NUP153: variants seen among roughly 807,000 people sequenced by gnomAD.
NUP153 encodes the protein nucleoporin 153, also known as nuclear pore complex protein Nup153.
Under a neutral mutation model 134.6 loss-of-function variants are expected in NUP153, and 27 were observed. That is an observed-to-expected ratio of 0.20 (90% CI 0.15 to 0.28). The LOEUF is 0.28. NUP153 is among the 10% of genes least tolerant of loss of function. NUP153 has a pLI of 1.00. For synonymous variants in NUP153, 640 were observed against 623.5 expected, an observed-to-expected ratio of 1.03 and a Z score of -0.40; for missense variants, 1,821 against 1,731.3, an observed-to-expected ratio of 1.05 and a Z score of -0.92.
chr6:17,659,442 ACAC>A (rs1767042282), intron 11 of NUP153, among the ~76,000 whole-genome samples: 5 of 152,178 alleles, frequency 3.3e-5, no homozygotes, highest in African/African-American at 1.2e-4. Context: ...TTCCTTATTT[ACAC>A]AAGGTAAGAC....
At chr6:17,676,071 A>G (rs1216252210) in intron 2 of NUP153, among the ~76,000 whole-genome samples, 1 of 152,150 alleles carries the variant, frequency 6.6e-6, no homozygotes, top group African/African-American at 2.4e-5. Context: ...TTGATGGTGT[A>G]TTTTGTAATA....
chr6:17,663,344 C>A (rs929688098), intron 9 of NUP153, among the ~76,000 whole-genome samples: 1 of 151,852 alleles, frequency 6.6e-6, no homozygotes, highest in African/African-American at 2.4e-5. Context: ...TCACTTTAGC[C>A]TCGAACTCCT....
rs1770519747 is a variant in NUP153 at position 17,706,614 on chromosome 6, A to C, written c.-227T>G. The C allele has an allele frequency of 1.8e-6, 1 of 571,196 alleles. No individual in the cohort carries two copies. Among genetic ancestry groups the C allele is most frequent in the Non-Finnish European group, 3.1e-6 (1 of 324,114 alleles). 35.4% of individuals were successfully genotyped at this position (571,196 alleles called of 1,614,324 possible). Reference sequence around the variant, plus strand: ...GGGGTGGCGGCCGCAGAGGCCGAGGAGGCTCCGGTCCGGCCGCCTCTGCGG... The same window carrying C: ...GGGGTGGCGGCCGCAGAGGCCGAGGCGGCTCCGGTCCGGCCGCCTCTGCGG... On this transcript the variant is annotated 5_prime_UTR_variant, in exon 1 of 22. Transcript: ENST00000262077. This position sits in a 1 kb window ranked among gnomAD's most constrained non-coding sequence, Gnocchi z 5.9.
chr6:17,675,230 G>A lies in NUP153; in HGVS notation c.722C>T (p.Pro241Leu). 1.2e-6 allele frequency: 2 copies of A among 1,614,026 alleles called. No individual in the cohort carries two copies. Among genetic ancestry groups the A allele is most frequent in the Non-Finnish European group, 1.7e-6 (2 of 1,179,988 alleles). ...AAATCCAACCCAGTTAGTACTCACA[G>A]GGGAAAGTGTTCCAAAGGCAGACAA... ...FNLSAFGTLS[P>L]SLGNSSILKT... Residue 241 changes from proline to leucine, a missense_variant and splice_region_variant, in exon 4 of 22, where the codon CCT becomes CTT. By Grantham distance (98) the Pro-to-Leu change is moderately conservative. Coordinates refer to ENST00000262077, the MANE Select transcript of NUP153 (RefSeq NM_005124.4). The surrounding 1 kb of genome is among the most constrained non-coding windows in gnomAD (Gnocchi z 4.4).
chr6:17,623,755 C>G (rs184170799), intron 20 of NUP153, among the ~76,000 whole-genome samples: 1 of 152,210 alleles, frequency 6.6e-6, no homozygotes, highest in East Asian at 1.9e-4. Context: ...AAAACAATCA[C>G]AAATCAAAAG....
rs531684754 is a variant in NUP153, at chr6:17,638,034, T to C, written c.1847-264A>G. 2.0e-5 allele frequency among the ~76,000 whole-genome samples: 3 copies of C among 152,340 alleles called. No homozygotes were observed. In the South Asian group the frequency reaches 6.2e-4, roughly 32 times the overall value. On this transcript the variant is annotated intron_variant, in intron 15 of 21. Coordinates refer to ENST00000262077, the MANE Select transcript of NUP153 (RefSeq NM_005124.4). This position sits in a 1 kb window ranked among gnomAD's most constrained non-coding sequence, Gnocchi z 4.0. The stretch of plus-strand genomic sequence containing the variant: ...TTCAAGGAATTTCTAGTTTGATGCT[T>C]TCAATGGTACTAATTTACTGATATG...
intron 9 of NUP153, among the ~76,000 whole-genome samples, chr6:17,663,151 G>C (rs774906309): frequency 6.6e-6 from 1 of 151,694 alleles, no homozygotes. Context: ...AAAAGATAGA[G>C]CAAATGTAGT....
chr6:17,625,960 T>G lies in NUP153; in HGVS notation c.3749A>C (p.Gln1250Pro). 6.2e-7 allele frequency: 1 copy of G among 1,614,172 alleles called. No individual in the cohort carries two copies. Among genetic ancestry groups the G allele is most frequent in the South Asian group, 1.1e-5 (1 of 91,080 alleles). Residue 1250 changes from glutamine (Q) to proline (P), a missense_variant, in exon 19 of 22, where the codon CAG becomes CCG. Gln to Pro is a moderately conservative substitution (Grantham distance 76). Transcript: ENST00000262077. This position sits in a 1 kb window ranked among gnomAD's most constrained non-coding sequence, Gnocchi z 4.7. Reference sequence around the variant, plus strand: ...GCTATCTTGAGAAAATAGCAAAGACTGAGAGGTGCTGGATTCAGCAGTGTT... The same window carrying G: ...GCTATCTTGAGAAAATAGCAAAGACGGAGAGGTGCTGGATTCAGCAGTGTT... ...FGNTAESSTS[Q>P]SLLFSQDSKL...
chr6:17,705,499 T>G (rs545810812), intron 1 of NUP153, among the ~76,000 whole-genome samples: 211 of 148,548 alleles, frequency 1.4e-3, no homozygotes, highest in African/African-American at 5.1e-3. Context: ...TAAAATATTT[T>G]GTGTATGAGA....
At chr6:17,634,541 A>G (rs1206218125) in intron 16 of NUP153, among the ~76,000 whole-genome samples, 1 of 151,926 alleles carries the variant, frequency 6.6e-6, no homozygotes, top group African/African-American at 2.4e-5. Context: ...GGTTCAAGCT[A>G]TTCTCCTGCC....
intron 11 of NUP153, among the ~76,000 whole-genome samples, chr6:17,650,575 A>G (rs1460157353): frequency 6.6e-6 from 1 of 152,162 alleles, no homozygotes; most frequent in Non-Finnish European, 1.5e-5. Flanking sequence ...TTGCAAATAA[A>G]TCACAGCTCA....
In NUP153 at chr6:17,648,422, G is replaced by A. The variant is rs151006799; in HGVS notation, c.1534-517C>T. On this transcript the variant is annotated intron_variant, in intron 12 of 21. Transcript: ENST00000262077. ...ACCTGAAGTCAGGAGTTCAAGATCA[G>A]CCTAACCAACATGGTGAAACCCTGT... is the stretch of plus-strand genomic sequence containing the variant. Among the ~76,000 whole-genome samples the A allele has an allele frequency of 2.6e-4, 40 of 152,232 alleles. 1 individual carries two copies. In the East Asian group the frequency reaches 7.4e-3, roughly 28 times the overall value.
At chr6:17,654,239 C>G (rs1269546246) in intron 11 of NUP153, among the ~76,000 whole-genome samples, 1 of 152,102 alleles carries the variant, frequency 6.6e-6, no homozygotes, top group Non-Finnish European at 1.5e-5. Flanking sequence ...CTAAAAACAT[C>G]AACTATATAA....
chr6:17,629,406 T>A lies in NUP153; in HGVS notation c.2793A>T (p.Gly931=). 1 of 1,614,062 alleles carries A rather than the reference T, an allele frequency of 6.2e-7. No homozygotes were observed. Among genetic ancestry groups the A allele is most frequent in the South Asian group, 1.1e-5 (1 of 91,080 alleles). Residue 931 remains glycine (G), a synonymous_variant, in exon 18 of 22, where the codon GGA becomes GGT. Transcript: ENST00000262077. ...AATCGGATGACACACCTATTTTGAA[T>A]CCTCCCTGATCTCCAAATTTAAAAT... The part of the protein sequence containing the change: ...TGNFKFGDQG[G]FKIGVSSDSG...
chr6:17,668,138 C>A (rs1468364481), intron 8 of NUP153, among the ~76,000 whole-genome samples: 3 of 141,316 alleles, frequency 2.1e-5, no homozygotes. Flanking sequence ...TGCAGTGGCG[C>A]GGCCTCGGCT....
Position 17,629,423 on chromosome 6 carries a change from A to T in NUP153, c.2776T>A (p.Phe926Ile), listed in dbSNP as rs765813073. The part of the protein sequence containing the change: ...QTLTSTGNFK[F>I]GDQGGFKIGV... ...ATTTTGAATCCTCCCTGATCTCCAA[A>T]TTTAAAATTTCCAGTGCTTGTTAAA... The change falls in exon 18 of 22, where the codon TTT (phenylalanine) becomes ATT (isoleucine). Residue 926 changes from phenylalanine (F) to isoleucine (I), a missense_variant. Phe to Ile is a conservative substitution (Grantham distance 21). Transcript: ENST00000262077. The T allele has an allele frequency of 5.0e-6, 8 of 1,614,150 alleles. No individual in the cohort carries two copies. Among genetic ancestry groups the T allele is most frequent in the Non-Finnish European group, 5.1e-6 (6 of 1,180,020 alleles).
intron 11 of NUP153, among the ~76,000 whole-genome samples, chr6:17,652,322 T>A (rs981894129): frequency 1.3e-5 from 2 of 152,084 alleles, no homozygotes; most frequent in African/African-American, 4.8e-5. Context: ...AACACTGAAG[T>A]CATAATCTCA....
intron 11 of NUP153, among the ~76,000 whole-genome samples, chr6:17,650,102 C>G (rs1766427417): frequency 6.6e-6 from 1 of 152,150 alleles, no homozygotes; most frequent in Non-Finnish European, 1.5e-5. Flanking sequence ...AGAGTAGCTT[C>G]TACCTGATAA....
At chr6:17,669,592 G>T in intron 5 of NUP153, 46 bp from the exon 6 acceptor site, 1 of 1,276,638 alleles carries the variant, frequency 7.8e-7, no homozygotes, top group Non-Finnish European at 1.1e-6. Context: ...AAAATCTAAG[G>T]CACATATTTC....
Sources: allele counts gnomAD v4.1 joint callset (sites outside exome capture counted in the v4.1 genomes callset), GRCh38; gene constraint gnomAD v4.1.1; non-coding constraint Gnocchi (gnomAD v3.1); transcripts MANE v1.5; gene names NCBI Gene and HGNC (gene_info 2026-07-23, HGNC 2026-07-21).